MGLL: variants seen among roughly 807,000 people sequenced by gnomAD.
MGLL encodes lysophospholipase homolog.
MGLL carries 7 observed loss-of-function variants against 29.1 expected under a neutral mutation model. The observed-to-expected ratio is 0.24, with a 90% CI of 0.14 to 0.45. The LOEUF (loss-of-function observed/expected upper bound fraction) is 0.45, where lower values mean the gene tolerates loss of function less well. Among genes scored for constraint, MGLL ranks in the 20% least tolerant of loss-of-function variants. The probability of loss-of-function intolerance (pLI) is 0.99; values close to 1 mark genes in which losing one functional copy is unlikely to be tolerated. For missense variants in MGLL, 356 were observed against 413.6 expected (o/e 0.86, Z 1.21); for synonymous variants, 148 against 168.3 (o/e 0.88, Z 0.93).
intron 2 of MGLL, among the ~76,000 whole-genome samples, chr3:127,782,972 TG>T (rs1266577179): frequency 6.6e-6 from 1 of 151,838 alleles, no homozygotes; most frequent in African/African-American, 2.4e-5. Flanking sequence ...GCAGATCACT[TG>T]AGACCAGCTT....
chr3:127,698,261 A>G (rs1165856031), intron 6 of MGLL, among the ~76,000 whole-genome samples: 1 of 152,158 alleles, frequency 6.6e-6, no homozygotes, highest in African/African-American at 2.4e-5. Flanking sequence ...GCTGTACCAC[A>G]TGGGGAGACT....
intron 3 of MGLL, among the ~76,000 whole-genome samples, chr3:127,775,330 G>C (rs758721230): frequency 1.3e-5 from 2 of 151,986 alleles, no homozygotes; most frequent in Non-Finnish European, 2.9e-5. Context: ...TTTTTCAAAC[G>C]TTTCAAACAA....
At chr3:127,821,894 A>G in intron 1 of MGLL, 56 bp from the exon 2 acceptor site, 1 of 1,563,660 alleles carries the variant, frequency 6.4e-7, no homozygotes, top group Non-Finnish European at 8.7e-7. Flanking sequence ...ACATGTATGG[A>G]TAGGAGAGAA....
intron 3 of MGLL, among the ~76,000 whole-genome samples, chr3:127,781,206 G>A (rs193161049): frequency 3.1e-4 from 47 of 152,186 alleles, no homozygotes; most frequent in Admixed American, 6.6e-4. Flanking sequence ...TGTGTTTTAC[G>A]TGTATGTGTA....
At chr3:127,794,165 C>G (rs2077345492) in intron 2 of MGLL, among the ~76,000 whole-genome samples, 1 of 152,068 alleles carries the variant, frequency 6.6e-6, no homozygotes, top group African/African-American at 2.4e-5. Context: ...CAAAAATTAG[C>G]TGGGCGTGGT....
chr3:127,718,024 C>G (rs943889575), intron 5 of MGLL, among the ~76,000 whole-genome samples: 1 of 152,090 alleles, frequency 6.6e-6, no homozygotes, highest in African/African-American at 2.4e-5. Flanking sequence ...TGTTTGGGGC[C>G]CCCCCATCCA....
At chr3:127,821,607 G>A (rs540423478) in intron 2 of MGLL, 87 bp downstream of exon 2, 16 of 1,518,194 alleles carry the variant, frequency 1.1e-5, no homozygotes, top group South Asian at 9.0e-5. Flanking sequence ...AAGCGGCCCC[G>A]CCCCAGATGG....
intron 2 of MGLL, among the ~76,000 whole-genome samples, chr3:127,809,210 A>G (rs539953190): frequency 1.3e-5 from 2 of 152,286 alleles, no homozygotes; most frequent in African/African-American, 2.4e-5. Flanking sequence ...CTTACCTTTT[A>G]TCATGGAGCT....
intron 3 of MGLL, among the ~76,000 whole-genome samples, chr3:127,724,125 T>C (rs2075988054): frequency 6.6e-6 from 1 of 152,182 alleles, no homozygotes; most frequent in South Asian, 2.1e-4. Flanking sequence ...AATAAATGTC[T>C]GTTGTCGAGG....
chr3:127,697,785 T>C (rs566401274), intron 6 of MGLL, among the ~76,000 whole-genome samples: 1 of 152,288 alleles, frequency 6.6e-6, no homozygotes, highest in Admixed American at 6.5e-5. Flanking sequence ...TGCCAAGAAG[T>C]CACCCCCTCT....
At chr3:127,741,198 C>T (rs762611232) in intron 3 of MGLL, among the ~76,000 whole-genome samples, 4 of 152,246 alleles carry the variant, frequency 2.6e-5, no homozygotes, top group Non-Finnish European at 5.9e-5. Flanking sequence ...GGAAACACAT[C>T]CAGTAGCACC....
At chr3:127,717,897 G>C (rs527584159) in intron 5 of MGLL, among the ~76,000 whole-genome samples, 19 of 152,304 alleles carry the variant, frequency 1.2e-4, no homozygotes, top group African/African-American at 4.1e-4. Context: ...GCGAGCCATG[G>C]TGAAAAACCC....
At chr3:127,703,193 G>A (rs75163109) in intron 6 of MGLL, among the ~76,000 whole-genome samples, 3 of 152,304 alleles carry the variant, frequency 2.0e-5, no homozygotes, top group Admixed American at 6.5e-5. Context: ...GGAATGGAGG[G>A]CCCTGGAATG....
At chr3:127,711,133 C>G (rs1297903139) in intron 5 of MGLL, 1 of 199,198 alleles carries the variant, frequency 5.0e-6, no homozygotes, top group Non-Finnish European at 1.1e-5. Context: ...GCGTCCATTT[C>G]TCTCGGGTGG....
intron 5 of MGLL, chr3:127,715,392 A>G (rs1225022985): frequency 3.1e-6 from 1 of 318,368 alleles, no homozygotes; most frequent in Non-Finnish European, 6.2e-6. Context: ...ACAAGACTCA[A>G]TTGTGTAGAG....
chr3:127,771,975 A>G (rs1027377976), intron 3 of MGLL, among the ~76,000 whole-genome samples: 2 of 152,100 alleles, frequency 1.3e-5, no homozygotes, highest in Non-Finnish European at 2.9e-5. Flanking sequence ...CAGTGGTGCA[A>G]TGGTGGGTCT....
At chr3:127,747,211 C>T (rs2076463521) in intron 3 of MGLL, among the ~76,000 whole-genome samples, 1 of 152,150 alleles carries the variant, frequency 6.6e-6, no homozygotes, top group Non-Finnish European at 1.5e-5. Context: ...GACCCAAGGC[C>T]ACCATCCCAG....
chr3:127,796,613 G>A (rs922965628), intron 2 of MGLL, among the ~76,000 whole-genome samples: 1 of 152,142 alleles, frequency 6.6e-6, no homozygotes, highest in African/African-American at 2.4e-5. Flanking sequence ...GGGTCAGCAG[G>A]ACATAAGAAC....
intron 3 of MGLL, among the ~76,000 whole-genome samples, chr3:127,750,667 A>G (rs2076541758): frequency 6.6e-6 from 1 of 152,108 alleles, no homozygotes; most frequent in Non-Finnish European, 1.5e-5. Context: ...AGGATATGCC[A>G]CAAAATGGGT....
Sources: allele counts gnomAD v4.1 joint callset (sites outside exome capture counted in the v4.1 genomes callset), GRCh38; gene constraint gnomAD v4.1.1; transcripts MANE v1.5; gene names NCBI Gene and HGNC (gene_info 2026-07-23, HGNC 2026-07-21).